The following PIWIL1 variants were observed in gnomAD, a reference collection of about 807,000 sequenced individuals.
PIWIL1 encodes the protein piwi-like protein 1.
PIWIL1 carries 73 observed loss-of-function variants against 114.4 expected under a neutral mutation model. The ratio of observed to expected loss-of-function variants is 0.64; its 90% CI spans 0.53 to 0.78. The LOEUF (loss-of-function observed/expected upper bound fraction) is 0.78, where lower values mean the gene tolerates loss of function less well. PIWIL1 is among the 30% of genes least tolerant of loss of function. The pLI is 0.00. For synonymous variants in PIWIL1, 375 were observed against 369.0 expected (o/e 1.02, Z -0.19); for missense variants, 723 against 1,063.1 (o/e 0.68, Z 4.45).
intron 9 of PIWIL1, among the ~76,000 whole-genome samples, chr12:130,350,484 A>G (rs2136145348): frequency 6.6e-6 from 1 of 152,314 alleles, no homozygotes; most frequent in Non-Finnish European, 1.5e-5. Context: ...GCGATCATCT[A>G]AAACAGTTTT....
intron 11 of PIWIL1, 104 bp from the exon 12 acceptor site, chr12:130,355,449 C>T (rs1226702720): frequency 1.2e-5 from 10 of 859,660 alleles, no homozygotes; most frequent in Middle Eastern, 2.3e-4. Context: ...TTCACCCTGA[C>T]GGCGACATTG....
the PIWIL1 span, among the ~76,000 whole-genome samples, chr12:130,402,993 G>C: frequency 6.6e-6 from 1 of 152,194 alleles, no homozygotes; most frequent in Non-Finnish European, 1.5e-5. Flanking sequence ...AGGAGGAAAA[G>C]GCCAGGGAGG....
chr12:130,376,371 CTG>C (rs1202076510), downstream of PIWIL1, among the ~76,000 whole-genome samples: 1 of 152,250 alleles, frequency 6.6e-6, no homozygotes. Flanking sequence ...CTGGAAAACA[CTG>C]TATATGCCTG....
chr12:130,390,277 C>T, the PIWIL1 span, among the ~76,000 whole-genome samples: 5 of 152,052 alleles, frequency 3.3e-5, no homozygotes, highest in Non-Finnish European at 7.4e-5. Context: ...AGACAGTGGT[C>T]CACTGTCTTG....
intron 14 of PIWIL1, among the ~76,000 whole-genome samples, chr12:130,360,672 G>T (rs569819334): frequency 1.3e-5 from 2 of 152,128 alleles, no homozygotes; most frequent in Non-Finnish European, 2.9e-5. Flanking sequence ...GTTAAACTTG[G>T]ATGCCCAGAA....
At chr12:130,376,094 A>T (rs1344506378), downstream of PIWIL1, among the ~76,000 whole-genome samples, 1 of 152,064 alleles carries the variant, frequency 6.6e-6, no homozygotes, top group African/African-American at 2.4e-5. Context: ...CCCAGACCAC[A>T]TCTCCAGGCC....
the PIWIL1 span, chr12:130,399,205 A>T: frequency 5.3e-5 from 59 of 1,122,978 alleles, no homozygotes; most frequent in Admixed American, 6.9e-5. Context: ...TATATATATA[A>T]AAATATAATA....
At chr12:130,378,713 A>AAGCCAGACACAAG in the PIWIL1 span, among the ~76,000 whole-genome samples, 1 of 152,316 alleles carries the variant, frequency 6.6e-6, no homozygotes, top group African/African-American at 2.4e-5. Context: ...CCTGGTAAGT[A>AAGCCAGACACAAG]ATGTTGCTGA....
Position 130,346,526 on chromosome 12 carries a change from G to C in PIWIL1, c.473G>C (p.Gly158Ala). ...ALLFQHEDLIGKCHAFDGTIL... is the reference protein window; with the variant it reads ...ALLFQHEDLIAKCHAFDGTIL... ...CTTTTTCAACACGAAGATCTAATTGGAAAGTGTCATGCTTTTGATGGAACG... is the reference window on the plus strand; with the variant it reads ...CTTTTTCAACACGAAGATCTAATTGCAAAGTGTCATGCTTTTGATGGAACG... The change falls in exon 5 of 21, where the codon GGA becomes GCA. Residue 158 changes from glycine (G) to alanine (A), a missense_variant. Gly to Ala is a moderately conservative substitution (Grantham distance 60). Coordinates refer to ENST00000245255, the MANE Select transcript of PIWIL1 (RefSeq NM_004764.5). The C allele has an allele frequency of 6.2e-7, 1 of 1,614,142 alleles. No individual in the cohort carries two copies. Among genetic ancestry groups the C allele is most frequent in the Non-Finnish European group, 8.5e-7 (1 of 1,180,006 alleles).
intron 19 of PIWIL1, 86 bp from the exon 20 acceptor site, chr12:130,371,089 AG>A: frequency 1.9e-6 from 2 of 1,080,394 alleles, no homozygotes; most frequent in Non-Finnish European, 2.8e-6. Context: ...CTTACAGTGA[AG>A]AGTGGTACAG....
At chr12:130,408,887 G>A in the PIWIL1 span, among the ~76,000 whole-genome samples, 1 of 152,166 alleles carries the variant, frequency 6.6e-6, no homozygotes, top group Non-Finnish European at 1.5e-5. Context: ...GGCCAGCTGT[G>A]TAGCCCTGCA....
intron 10 of PIWIL1, 111 bp downstream of exon 10, chr12:130,354,774 T>C: frequency 1.4e-6 from 2 of 1,454,374 alleles, no homozygotes; most frequent in African/African-American, 1.4e-5. Flanking sequence ...GAAAACCTTT[T>C]ATTAAAACTG....
At chr12:130,410,161 C>T in the PIWIL1 span, among the ~76,000 whole-genome samples, 2 of 152,202 alleles carry the variant, frequency 1.3e-5, no homozygotes, top group Non-Finnish European at 2.9e-5. Context: ...TTTTCATGTG[C>T]TTATTTGCCA....
At chr12:130,405,053 G>C in the PIWIL1 span, among the ~76,000 whole-genome samples, 1 of 152,106 alleles carries the variant, frequency 6.6e-6, no homozygotes, top group Non-Finnish European at 1.5e-5. Context: ...TTTACATGTG[G>C]AAAGTGAAAC....
At chr12:130,424,479 C>A in the PIWIL1 span, 46 of 1,232,154 alleles carry the variant, frequency 3.7e-5, no homozygotes, top group African/African-American at 6.7e-4. This position sits in a 1 kb window ranked among gnomAD's most constrained non-coding sequence, Gnocchi z 9.8. Context: ...GAAGCCAAAC[C>A]GCGACTCGTC....
intron 9 of PIWIL1, among the ~76,000 whole-genome samples, chr12:130,352,404 C>A (rs1402968487): frequency 6.6e-6 from 1 of 152,162 alleles, no homozygotes; most frequent in East Asian, 1.9e-4. Flanking sequence ...CAGGGCCAGG[C>A]ACGATGGGTC....
At chr12:130,388,823 C>A in the PIWIL1 span, among the ~76,000 whole-genome samples, 1 of 151,988 alleles carries the variant, frequency 6.6e-6, no homozygotes, top group Non-Finnish European at 1.5e-5. Flanking sequence ...TAATGATTTG[C>A]CTGTAGTATT....
At chr12:130,351,899 G>T (rs1336133694) in intron 9 of PIWIL1, among the ~76,000 whole-genome samples, 1 of 152,090 alleles carries the variant, frequency 6.6e-6, no homozygotes, top group South Asian at 2.1e-4. Flanking sequence ...CCCCCCAGAA[G>T]TGATGTGGCA....
At chr12:130,343,950 C>T (rs890849139) in intron 3 of PIWIL1, among the ~76,000 whole-genome samples, 1 of 152,116 alleles carries the variant, frequency 6.6e-6, no homozygotes, top group African/African-American at 2.4e-5. Flanking sequence ...TTAAATAGCA[C>T]AGTGGTGTGA....
Sources: allele counts gnomAD v4.1 joint callset (sites outside exome capture counted in the v4.1 genomes callset), GRCh38; gene constraint gnomAD v4.1.1; non-coding constraint Gnocchi (gnomAD v3.1); transcripts MANE v1.5; gene names NCBI Gene and HGNC (gene_info 2026-07-23, HGNC 2026-07-21).